Variants in MSRB3 observed in about 807,000 individuals in gnomAD.
The protein encoded by MSRB3 is methionine sulfoxide reductase B3.
In MSRB3, 13 loss-of-function variants were observed where a neutral mutation model predicts 21.0. The observed-to-expected ratio is 0.62, with a 90% CI of 0.40 to 0.98. The LOEUF (loss-of-function observed/expected upper bound fraction) is 0.98, where lower values mean the gene tolerates loss of function less well. Ranked by LOEUF, MSRB3 falls within the 50% of genes least tolerant of loss-of-function variation. The pLI is 0.00. For synonymous variants in MSRB3, 87 were observed against 88.6 expected (o/e 0.98, Z 0.10); for missense variants, 199 against 230.3 (o/e 0.86, Z 0.88).
chr12:65,412,547 T>C (rs369036103), intron 5 of MSRB3, among the ~76,000 whole-genome samples: 3 of 152,116 alleles, frequency 2.0e-5, no homozygotes, highest in East Asian at 3.9e-4. Flanking sequence ...TGTAATTACA[T>C]TGATCATTGT....
chr12:65,432,972 AAAT>A (rs1881955449), intron 5 of MSRB3, among the ~76,000 whole-genome samples: 2 of 151,660 alleles, frequency 1.3e-5, no homozygotes, highest in Non-Finnish European at 3.0e-5. Context: ...AAAAACAACA[AAAT>A]AATAAGTGTT....
At chr12:65,287,129 C>A (rs1169942124) in intron 1 of MSRB3, among the ~76,000 whole-genome samples, 1 of 137,756 alleles carries the variant, frequency 7.3e-6, no homozygotes, top group Non-Finnish European at 1.6e-5. Flanking sequence ...TCTTTCATTT[C>A]TCTTTTTTTT....
At chr12:65,336,648 T>C (rs1875781671) in intron 4 of MSRB3, among the ~76,000 whole-genome samples, 1 of 152,288 alleles carries the variant, frequency 6.6e-6, no homozygotes, top group Non-Finnish European at 1.5e-5. Flanking sequence ...TTTATCTTGT[T>C]TGAATAAACA....
chr12:65,432,420 A>G (rs1471242074), intron 5 of MSRB3, among the ~76,000 whole-genome samples: 1 of 152,014 alleles, frequency 6.6e-6, no homozygotes, highest in Non-Finnish European at 1.5e-5. Flanking sequence ...GAAAAGCTTG[A>G]TGGTTCCACA....
intron 5 of MSRB3, among the ~76,000 whole-genome samples, chr12:65,379,307 C>T (rs554751813): frequency 1.9e-4 from 29 of 152,200 alleles, no homozygotes; most frequent in Non-Finnish European, 3.4e-4. Context: ...TTGCCTAAGA[C>T]CTTGTTTCCA....
intron 5 of MSRB3, among the ~76,000 whole-genome samples, chr12:65,405,537 G>A (rs762614672): frequency 2.6e-5 from 4 of 151,854 alleles, no homozygotes; most frequent in Non-Finnish European, 5.9e-5. Context: ...TATGAGTAAT[G>A]CTGTAGTGTA....
chr12:65,355,637 T>C (rs1361012919), intron 4 of MSRB3, among the ~76,000 whole-genome samples: 2 of 151,936 alleles, frequency 1.3e-5, no homozygotes, highest in Non-Finnish European at 2.9e-5. Flanking sequence ...TTTACTTCTA[T>C]GTACTCACTT....
chr12:65,340,083 T>G (rs760585913), intron 4 of MSRB3, among the ~76,000 whole-genome samples: 23 of 152,156 alleles, frequency 1.5e-4, no homozygotes, highest in Non-Finnish European at 3.2e-4. Flanking sequence ...GATATTTAAG[T>G]TAGGCTTTAA....
intron 5 of MSRB3, among the ~76,000 whole-genome samples, chr12:65,369,334 A>G: frequency 6.6e-6 from 1 of 152,196 alleles, no homozygotes; most frequent in Non-Finnish European, 1.5e-5. Flanking sequence ...CTCAGTGGAC[A>G]AAGCATCCTG....
Position 65,326,822 on chromosome 12 carries a change from T to C in MSRB3, c.77-4T>C, listed in dbSNP as rs1457821832. 1 of 1,612,498 alleles carries C rather than the reference T, an allele frequency of 6.2e-7. No individual in the cohort carries two copies. Among genetic ancestry groups the C allele is most frequent in the South Asian group, 1.1e-5 (1 of 90,972 alleles). Reference sequence around the variant, plus strand: ...TTCTTCTCCCATATCCTCTCTCTTTTCAGGGTCGTGTAGGGATAAAAAGAA... The same window carrying C: ...TTCTTCTCCCATATCCTCTCTCTTTCCAGGGTCGTGTAGGGATAAAAAGAA... On this transcript the variant is annotated splice_polypyrimidine_tract_variant and splice_region_variant and intron_variant, in intron 2 of 6. Coordinates refer to ENST00000308259, the MANE Select transcript of MSRB3 (RefSeq NM_001031679.3).
At position 65,368,933 on chromosome 12, in the gene MSRB3, C is replaced by G. The variant is rs537594204; in HGVS notation, c.264-65C>G. ...TCCCCTCCCAACCACACCCCCCCCCCCCATGAAATAATTGTTCTTTTACAA... is the reference window on the plus strand; with the variant it reads ...TCCCCTCCCAACCACACCCCCCCCCGCCATGAAATAATTGTTCTTTTACAA... On this transcript the variant is annotated intron_variant, in intron 4 of 6. Coordinates refer to ENST00000308259, the MANE Select transcript of MSRB3 (RefSeq NM_001031679.3). 3.5e-5 allele frequency: 24 copies of G among 683,414 alleles called. 1 individual carries two copies. The highest frequency in any genetic ancestry group is 7.3e-5 in the African/African-American group (4 of 54,678). The allele number at this position is 683,414 out of a possible 1,614,324, so 42.3% of individuals were successfully genotyped here. A position where few individuals can be genotyped will look rare whatever the true frequency, so the allele number is the denominator to read the frequency against.
chr12:65,381,301 T>C (rs1001598168), intron 5 of MSRB3, among the ~76,000 whole-genome samples: 2 of 152,154 alleles, frequency 1.3e-5, no homozygotes, highest in African/African-American at 2.4e-5. Flanking sequence ...CTGATAGATA[T>C]TTATAAATTG....
intron 5 of MSRB3, among the ~76,000 whole-genome samples, chr12:65,407,917 C>A (rs1880505515): frequency 6.6e-6 from 1 of 151,012 alleles, no homozygotes. Context: ...CTTAGAGTTT[C>A]CATTGCTTTG....
chr12:65,347,439 T>G (rs1876595163), intron 4 of MSRB3, among the ~76,000 whole-genome samples: 1 of 152,196 alleles, frequency 6.6e-6, no homozygotes. Context: ...TGATTTTGTA[T>G]CCTGAGACTT....
At chr12:65,381,240 T>G (rs1185175773) in intron 5 of MSRB3, among the ~76,000 whole-genome samples, 1 of 152,138 alleles carries the variant, frequency 6.6e-6, no homozygotes, top group Non-Finnish European at 1.5e-5. Context: ...CATAATACAA[T>G]TAATACAGTT....
intron 5 of MSRB3, among the ~76,000 whole-genome samples, chr12:65,441,705 A>G (rs1882388681): frequency 1.3e-5 from 2 of 152,018 alleles, no homozygotes; most frequent in Admixed American, 1.3e-4. Context: ...ATGTGACAAA[A>G]TAGAGCATTG....
At chr12:65,400,937 A>G (rs1349208386) in intron 5 of MSRB3, among the ~76,000 whole-genome samples, 1 of 152,000 alleles carries the variant, frequency 6.6e-6, no homozygotes, top group African/African-American at 2.4e-5. Context: ...GAGTTTCTTA[A>G]CCTGAGTTCT....
intron 1 of MSRB3, among the ~76,000 whole-genome samples, chr12:65,296,823 CA>C (rs1189585216): frequency 6.6e-6 from 1 of 152,080 alleles, no homozygotes; most frequent in African/African-American, 2.4e-5. Flanking sequence ...CTTCAAACTG[CA>C]ATAATAGAGA....
chr12:65,382,873 C>CATAT (rs1371050678), intron 5 of MSRB3, among the ~76,000 whole-genome samples: 3 of 151,804 alleles, frequency 2.0e-5, no homozygotes, highest in Non-Finnish European at 4.4e-5. Context: ...TATATACATG[C>CATAT]ATATATGTGT....
Sources: allele counts gnomAD v4.1 joint callset (sites outside exome capture counted in the v4.1 genomes callset), GRCh38; gene constraint gnomAD v4.1.1; transcripts MANE v1.5; gene names NCBI Gene and HGNC (gene_info 2026-07-23, HGNC 2026-07-21).